The following NAB1 variants were observed in gnomAD, a reference collection of about 807,000 sequenced individuals.
The protein encoded by NAB1 is NGFI-A binding protein 1.
Under a neutral mutation model 49.9 loss-of-function variants are expected in NAB1, and 25 were observed. The observed-to-expected ratio is 0.50, with a 90% confidence interval of 0.37 to 0.70. The LOEUF (loss-of-function observed/expected upper bound fraction) is 0.70, where lower values mean the gene tolerates loss of function less well. Ranked by LOEUF, NAB1 falls within the 30% of genes least tolerant of loss-of-function variation. The probability of loss-of-function intolerance (pLI) is 0.00; values close to 1 mark genes in which losing one functional copy is unlikely to be tolerated. For synonymous variants in NAB1, 198 were observed against 215.6 expected (o/e 0.92, Z 0.71); for missense variants, 489 against 575.9 (o/e 0.85, Z 1.54).
At position 190,666,276 on chromosome 2, in the gene NAB1, C is replaced by T. The variant is rs1487978923; in HGVS notation, c.820-4050C>T. Reference sequence around the variant, plus strand: ...TTTTTGTGCCAACAGTACTTAAAGTCACAATCATTTAATTGTTGGAGATTA... The same window carrying T: ...TTTTTGTGCCAACAGTACTTAAAGTTACAATCATTTAATTGTTGGAGATTA... On this transcript the variant is annotated intron_variant, in intron 4 of 9. Transcript: ENST00000337386. This position sits in a 1 kb window ranked among gnomAD's most constrained non-coding sequence, Gnocchi z 5.6. Among the ~76,000 whole-genome samples, 2 of 152,130 alleles carry T rather than the reference C, an allele frequency of 1.3e-5. No homozygotes were observed. The highest frequency in any genetic ancestry group is 1.3e-4 in the Admixed American group (2 of 15,270).
In NAB1 at chr2:190,684,684, A is replaced by C. The variant is rs1412982967; in HGVS notation, c.1096-792A>C. On this transcript the variant is annotated intron_variant, in intron 7 of 9. Transcript: ENST00000337386. This position sits in a 1 kb window ranked among gnomAD's most constrained non-coding sequence, Gnocchi z 4.6. ...TTTTATATAGCAGCTTTCTTGTCCT[A>C]CTCTCTTATATAGCATGGTAGTGAT... is the stretch of plus-strand genomic sequence containing the variant. Among the ~76,000 whole-genome samples, 2 of 151,886 alleles carry C rather than the reference A, an allele frequency of 1.3e-5. No homozygotes were observed. The highest frequency in any genetic ancestry group is 2.9e-5 in the Non-Finnish European group (2 of 67,950).
rs1314528467 is a variant in NAB1 at position 190,654,576 on chromosome 2, A to G, written c.-196-1401A>G. On this transcript the variant is annotated intron_variant, in intron 2 of 9. Transcript: ENST00000337386. The surrounding 1 kb of genome is among the most constrained non-coding windows in gnomAD (Gnocchi z 5.6). ...ATCTGCTTGGCACAAGTATATGGGC[A>G]TGTTAAGGAACAGAGAGAAGGCTGG... Among the ~76,000 whole-genome samples the G allele has an allele frequency of 1.3e-5, 2 of 152,148 alleles. No individual in the cohort carries two copies. Among genetic ancestry groups the G allele is most frequent in the African/African-American group, 4.8e-5 (2 of 41,454 alleles).
Position 190,690,371 on chromosome 2 carries a change from G to C in NAB1, c.*38G>C. 1 of 1,437,448 alleles carries C rather than the reference G, an allele frequency of 7.0e-7. No individual in the cohort carries two copies. Among genetic ancestry groups the C allele is most frequent in the Non-Finnish European group, 9.8e-7 (1 of 1,021,366 alleles). The allele number at this position is 1,437,448 out of a possible 1,614,324, so 89.0% of individuals were successfully genotyped here. On this transcript the variant is annotated 3_prime_UTR_variant, in exon 10 of 10. Transcript: ENST00000337386. ...TCACCGTTCTCTGGAAATGGCATCA[G>C]ATTTAAGGATAATACTCCATCATAG...
Position 190,659,705 on chromosome 2 carries a change from G to T in NAB1, c.529G>T (p.Asp177Tyr). The change falls in exon 4 of 10, where the codon GAC (aspartate) becomes TAC (tyrosine). Residue 177 changes from aspartate (D) to tyrosine (Y), a missense_variant. Coordinates refer to ENST00000337386, the MANE Select transcript of NAB1 (RefSeq NM_005966.4). This position sits in a 1 kb window ranked among gnomAD's most constrained non-coding sequence, Gnocchi z 6.2. The part of the protein sequence containing the change: ...TESEHSLSPA[D>Y]LGSPASPKES... The stretch of plus-strand genomic sequence containing the variant: ...GAGCGAGCACAGCCTCTCCCCAGCA[G>T]ACCTGGGCTCCCCCGCGTCCCCAAA... 1 of 1,613,890 alleles carries T rather than the reference G, an allele frequency of 6.2e-7. No individual in the cohort carries two copies. Among genetic ancestry groups the T allele is most frequent in the Non-Finnish European group, 8.5e-7 (1 of 1,180,002 alleles).
In NAB1 at chr2:190,663,619, G is replaced by A. The variant is rs1694337045; in HGVS notation, c.819+3624G>A. ...TGATCTTTTTGAAGAAGCCACTCTG[G>A]GCTTAGTTGCTATTCTTGCTTGTGC... On this transcript the variant is annotated intron_variant, in intron 4 of 9. Transcript: ENST00000337386. This position sits in a 1 kb window ranked among gnomAD's most constrained non-coding sequence, Gnocchi z 4.2. 6.6e-6 allele frequency among the ~76,000 whole-genome samples: 1 copy of A among 151,974 alleles called. No homozygotes were observed. The highest frequency in any genetic ancestry group is 1.5e-5 in the Non-Finnish European group (1 of 67,970).
intron 4 of NAB1, among the ~76,000 whole-genome samples, chr2:190,668,760 G>A (rs920000574): frequency 2.0e-5 from 3 of 152,112 alleles, no homozygotes; most frequent in African/African-American, 7.2e-5. Context: ...TGCCTGGGTA[G>A]GGAGAAAGGG....
At position 190,686,882 on chromosome 2, in the gene NAB1, G is replaced by C. The variant is rs115237067; in HGVS notation, c.1259-319G>C. 5.2e-3 allele frequency among the ~76,000 whole-genome samples: 796 copies of C among 151,850 alleles called. 6 individuals are homozygous for C. Among genetic ancestry groups the C allele is most frequent in the African/African-American group, 0.018 (756 of 41,388 alleles). ...ATTAATGACATGCCTTGGTAAAATGGTTGTTCTAGTAAGAAAATGCCTTAT... is the reference window on the plus strand; with the variant it reads ...ATTAATGACATGCCTTGGTAAAATGCTTGTTCTAGTAAGAAAATGCCTTAT... On this transcript the variant is annotated intron_variant, in intron 8 of 9. Transcript: ENST00000337386. This position sits in a 1 kb window ranked among gnomAD's most constrained non-coding sequence, Gnocchi z 5.5.
Position 190,651,211 on chromosome 2 carries a change from T to C in NAB1, c.-197+1229T>C, listed in dbSNP as rs749775685. Among the ~76,000 whole-genome samples, 10 of 152,268 alleles carry C rather than the reference T, an allele frequency of 6.6e-5. No homozygotes were observed. Among genetic ancestry groups the C allele is most frequent in the African/African-American group, 1.2e-4 (5 of 41,472 alleles). ...AGGACATTTAGTAAGCTTATATGTCTAGTAAATAACTTGATCTATCTAAAA... is the reference window on the plus strand; with the variant it reads ...AGGACATTTAGTAAGCTTATATGTCCAGTAAATAACTTGATCTATCTAAAA... On this transcript the variant is annotated intron_variant, in intron 2 of 9. Coordinates refer to ENST00000337386, the MANE Select transcript of NAB1 (RefSeq NM_005966.4). This position sits in a 1 kb window ranked among gnomAD's most constrained non-coding sequence, Gnocchi z 4.3.
Position 190,659,410 on chromosome 2 carries a change from C to T in NAB1, c.234C>T (p.Asn78=). 1 of 1,614,146 alleles carries T rather than the reference C, an allele frequency of 6.2e-7. No individual in the cohort carries two copies. Among genetic ancestry groups the T allele is most frequent in the Non-Finnish European group, 8.5e-7 (1 of 1,180,032 alleles). ...AGGCTTTGAGAGACTGGGTCACAAACCCTGGGCTTTTCAATCAGCCACTGA... is the reference window on the plus strand; with the variant it reads ...AGGCTTTGAGAGACTGGGTCACAAATCCTGGGCTTTTCAATCAGCCACTGA... ...LQKALRDWVT[N]PGLFNQPLTS... is the part of the protein sequence containing the mutation. Residue 78 remains asparagine, a synonymous_variant, in exon 4 of 10, where the codon AAC becomes AAT. Transcript: ENST00000337386. This position sits in a 1 kb window ranked among gnomAD's most constrained non-coding sequence, Gnocchi z 6.2.
At position 190,691,698 on chromosome 2, in the gene NAB1, C is replaced by T. The variant is rs569104428; in HGVS notation, c.*1365C>T. ...GATAACTGACAGCTTTACCTACTTCCTACAGATGCATCTAAACCCAGATAT... is the reference window on the plus strand; with the variant it reads ...GATAACTGACAGCTTTACCTACTTCTTACAGATGCATCTAAACCCAGATAT... On this transcript the variant is annotated 3_prime_UTR_variant, in exon 10 of 10. Transcript: ENST00000337386. The surrounding 1 kb of genome is among the most constrained non-coding windows in gnomAD (Gnocchi z 4.1). The T allele has an allele frequency of 4.6e-5, 7 of 152,222 alleles. No individual in the cohort carries two copies. Among genetic ancestry groups the T allele is most frequent in the African/African-American group, 1.4e-4 (6 of 41,564 alleles). The allele number at this position is 152,222 out of a possible 1,614,324, so 9.4% of individuals were successfully genotyped here.
chr2:190,671,836 C>T (rs1431133200), intron 5 of NAB1, among the ~76,000 whole-genome samples: 4 of 129,322 alleles, frequency 3.1e-5, no homozygotes. Flanking sequence ...AGTGCAATAG[C>T]TCGATCTTGG....
In NAB1 at chr2:190,691,354, G is replaced by A. The variant is rs1329027765; in HGVS notation, c.*1021G>A. 6.6e-6 allele frequency: 1 copy of A among 152,230 alleles called. No individual in the cohort carries two copies. The highest frequency in any genetic ancestry group is 1.5e-5 in the Non-Finnish European group (1 of 67,980). 9.4% of individuals were successfully genotyped at this position (152,230 alleles called of 1,614,324 possible). On this transcript the variant is annotated 3_prime_UTR_variant, in exon 10 of 10. Transcript: ENST00000337386. The surrounding 1 kb of genome is among the most constrained non-coding windows in gnomAD (Gnocchi z 4.1). ...GTCTTCCCACCCAGCCATCACAAAT[G>A]TGGACAATCACTGCATCCACATCTG...
At position 190,654,816 on chromosome 2, in the gene NAB1, G is replaced by A. The variant is rs1409098713; in HGVS notation, c.-196-1161G>A. On this transcript the variant is annotated intron_variant, in intron 2 of 9. Coordinates refer to ENST00000337386, the MANE Select transcript of NAB1 (RefSeq NM_005966.4). The surrounding 1 kb of genome is among the most constrained non-coding windows in gnomAD (Gnocchi z 5.6). ...AAGTGGTGGTGTAGCCTAAGGACAT[G>A]TAGATTTGAGGAAGAAAGAAGAAAA... Among the ~76,000 whole-genome samples, 2 of 152,138 alleles carry A rather than the reference G, an allele frequency of 1.3e-5. No individual in the cohort carries two copies.
chr2:190,664,429 G>A (rs1399305156), intron 4 of NAB1, among the ~76,000 whole-genome samples: 3 of 150,212 alleles, frequency 2.0e-5, no homozygotes, highest in East Asian at 3.9e-4. Flanking sequence ...CTGTATCCTC[G>A]ACCTCCCAGG....
intron 2 of NAB1, among the ~76,000 whole-genome samples, 160 bp downstream of exon 2, chr2:190,650,142 T>C (rs1406616892): frequency 2.6e-5 from 4 of 152,236 alleles, no homozygotes; most frequent in Non-Finnish European, 5.9e-5. Context: ...AGATGGAATA[T>C]ACATTTGTCG....
chr2:190,672,275 A>G (rs1331029550), intron 5 of NAB1, among the ~76,000 whole-genome samples: 1 of 152,190 alleles, frequency 6.6e-6, no homozygotes, highest in Non-Finnish European at 1.5e-5. Flanking sequence ...AAACCACAAT[A>G]AATAACATCA....
intron 4 of NAB1, 22 bp downstream of exon 4, chr2:190,660,017 T>A: frequency 6.3e-7 from 1 of 1,590,222 alleles, no homozygotes; most frequent in Non-Finnish European, 8.6e-7. Context: ...GCGTTGTTCC[T>A]TCTGTGTGTG....
intron 3 of NAB1, among the ~76,000 whole-genome samples, chr2:190,656,363 A>C (rs1349488947): frequency 6.6e-6 from 1 of 152,236 alleles, no homozygotes; most frequent in African/African-American, 2.4e-5. Context: ...AATCACATCA[A>C]GTTCATGTAT....
In NAB1 at chr2:190,669,830, TATG is replaced by T. The variant is rs1449616081; in HGVS notation, c.820-493_820-491del. ...TTGATTTTCCAATATAGCCCTAGTA[TATG>T]ATAACTCTGTTTTTTACTAAGTGAT... On this transcript the variant is annotated intron_variant, in intron 4 of 9. Transcript: ENST00000337386. This position sits in a 1 kb window ranked among gnomAD's most constrained non-coding sequence, Gnocchi z 4.3. Among the ~76,000 whole-genome samples, 2 of 152,198 alleles carry T rather than the reference TATG, an allele frequency of 1.3e-5. No homozygotes were observed. The highest frequency in any genetic ancestry group is 2.9e-5 in the Non-Finnish European group (2 of 68,026).
Sources: allele counts gnomAD v4.1 joint callset (sites outside exome capture counted in the v4.1 genomes callset), GRCh38; gene constraint gnomAD v4.1.1; non-coding constraint Gnocchi (gnomAD v3.1); transcripts MANE v1.5; gene names NCBI Gene and HGNC (gene_info 2026-07-23, HGNC 2026-07-21).